Variants in RBFOX1 observed in about 807,000 individuals in gnomAD.
RBFOX1 encodes RNA binding protein fox-1 homolog 1.
RBFOX1 carries 8 observed loss-of-function variants against 57.7 expected under a neutral mutation model. The ratio of observed to expected loss-of-function variants is 0.14; its 90% CI spans 0.08 to 0.25. The LOEUF (loss-of-function observed/expected upper bound fraction) is 0.25, where lower values mean the gene tolerates loss of function less well. Among genes scored for constraint, RBFOX1 ranks in the 10% least tolerant of loss-of-function variants. The probability of loss-of-function intolerance (pLI) is 1.00; values close to 1 mark genes in which losing one functional copy is unlikely to be tolerated. For missense variants in RBFOX1, 611 were observed against 548.5 expected (o/e 1.11, Z -1.14); for synonymous variants, 326 against 222.4 (o/e 1.47, Z -4.15).
At chr16:6,138,322 C>T (rs2096684157) in intron 1 of RBFOX1, among the ~76,000 whole-genome samples, 1 of 152,160 alleles carries the variant, frequency 6.6e-6, no homozygotes, top group Non-Finnish European at 1.5e-5. Context: ...TCATATGTAA[C>T]ATAGGTAGCC....
intron 1 of RBFOX1, among the ~76,000 whole-genome samples, chr16:5,338,763 A>G (rs1296264645): frequency 6.6e-6 from 1 of 152,116 alleles, no homozygotes; most frequent in Non-Finnish European, 1.5e-5. Flanking sequence ...GCCTCAGGCA[A>G]TCCCCACTTT....
chr16:6,333,025 C>T (rs1045480096), intron 2 of RBFOX1, among the ~76,000 whole-genome samples: 1 of 152,006 alleles, frequency 6.6e-6, no homozygotes, highest in Non-Finnish European at 1.5e-5. Context: ...TTTTGATGTC[C>T]TTGACATGTG....
At chr16:5,561,176 C>T (rs2045877861) in intron 2 of RBFOX1, among the ~76,000 whole-genome samples, 1 of 152,102 alleles carries the variant, frequency 6.6e-6, no homozygotes, top group Admixed American at 6.6e-5. Context: ...CTGCCTGATC[C>T]TTCATCCATG....
chr16:7,239,244 A>G (rs906398358), intron 4 of RBFOX1, among the ~76,000 whole-genome samples: 6 of 152,168 alleles, frequency 3.9e-5, no homozygotes, highest in Non-Finnish European at 8.8e-5. Flanking sequence ...TCAGCCAGTA[A>G]TCCCAGCAAT....
intron 2 of RBFOX1, among the ~76,000 whole-genome samples, chr16:6,545,458 C>G (rs574718950): frequency 6.6e-6 from 1 of 152,186 alleles, no homozygotes. Context: ...CATGTCATTT[C>G]TGTTGCAGCC....
intron 3 of RBFOX1, among the ~76,000 whole-genome samples, chr16:6,699,707 T>C (rs1388607713): frequency 1.3e-5 from 2 of 152,086 alleles, no homozygotes; most frequent in Non-Finnish European, 2.9e-5. Flanking sequence ...CAGAAGGACA[T>C]AAAATGAATG....
intron 4 of RBFOX1, among the ~76,000 whole-genome samples, chr16:7,107,640 C>T (rs1011562814): frequency 2.0e-5 from 3 of 152,122 alleles, no homozygotes; most frequent in African/African-American, 7.2e-5. Flanking sequence ...TCCTCCCCTT[C>T]CACCCTCCCC....
chr16:5,534,575 T>C (rs1438998227), intron 2 of RBFOX1, among the ~76,000 whole-genome samples: 2 of 152,166 alleles, frequency 1.3e-5, no homozygotes, highest in East Asian at 3.9e-4. Context: ...AGGAGAAAGA[T>C]GAAAGCCACA....
intron 2 of RBFOX1, among the ~76,000 whole-genome samples, chr16:6,511,623 G>A (rs1185827388): frequency 3.9e-5 from 6 of 152,128 alleles, no homozygotes; most frequent in East Asian, 1.9e-4. Context: ...TAGAATGAGC[G>A]CCAAAGAGGG....
At chr16:5,543,680 A>G (rs750065587) in intron 2 of RBFOX1, among the ~76,000 whole-genome samples, 1 of 152,154 alleles carries the variant, frequency 6.6e-6, no homozygotes, top group Non-Finnish European at 1.5e-5. Context: ...CCAGAGACCT[A>G]AGAAACTCAA....
chr16:5,691,529 C>A lies in RBFOX1; in HGVS notation c.318+92568C>A, dbSNP rs528003580. Among the ~76,000 whole-genome samples the A allele has an allele frequency of 2.6e-5, 4 of 152,296 alleles. No homozygotes were observed. The South Asian group carries it at 8.3e-4, about 32-fold the overall frequency. On this transcript the variant is annotated intron_variant, in intron 3 of 19. Coordinates refer to the RBFOX1 transcript ENST00000641259. Reference sequence around the variant, plus strand: ...GTGTGTACAGGTTGAGTATCCCTTACCCAAAATGCCTAGGACTAGAAGTTT... The same window carrying A: ...GTGTGTACAGGTTGAGTATCCCTTAACCAAAATGCCTAGGACTAGAAGTTT...
chr16:5,929,478 G>C (rs926448095), intron 4 of RBFOX1, among the ~76,000 whole-genome samples: 2 of 152,074 alleles, frequency 1.3e-5, no homozygotes, highest in African/African-American at 4.8e-5. Context: ...TCTCCTATAA[G>C]ACAGCATGAC....
At chr16:5,317,373 C>T (rs1351808625) in intron 1 of RBFOX1, among the ~76,000 whole-genome samples, 4 of 152,210 alleles carry the variant, frequency 2.6e-5, no homozygotes, top group African/African-American at 7.2e-5. Context: ...GTTTAGGAGG[C>T]TGAGGTGGGC....
At chr16:6,690,991 A>G (rs59721529) in intron 3 of RBFOX1, among the ~76,000 whole-genome samples, 17,309 of 152,040 alleles carry the variant, frequency 0.11, 1,925 homozygotes, top group East Asian at 0.42. Flanking sequence ...TCCTATTTGT[A>G]GAGTGGAAAC....
At chr16:6,324,609 A>G (rs1599645301) in intron 2 of RBFOX1, among the ~76,000 whole-genome samples, 1 of 152,188 alleles carries the variant, frequency 6.6e-6, no homozygotes, top group East Asian at 1.9e-4. Context: ...GGACAGTGCC[A>G]ATGGGATGTT....
chr16:6,278,638 A>G (rs943766843), intron 1 of RBFOX1, among the ~76,000 whole-genome samples: 1 of 151,920 alleles, frequency 6.6e-6, no homozygotes, highest in Non-Finnish European at 1.5e-5. Flanking sequence ...TTCTATTTTT[A>G]GGTTGTTAAA....
At chr16:5,297,459 A>C (rs1434091767) in intron 1 of RBFOX1, among the ~76,000 whole-genome samples, 1 of 152,188 alleles carries the variant, frequency 6.6e-6, no homozygotes, top group Non-Finnish European at 1.5e-5. Flanking sequence ...GTAATATATC[A>C]TTGTGGCTTT....
chr16:5,563,962 G>A (rs1377303514), intron 2 of RBFOX1, among the ~76,000 whole-genome samples: 4 of 152,078 alleles, frequency 2.6e-5, no homozygotes, highest in South Asian at 2.1e-4. Context: ...TAGGAACCAC[G>A]TCATTTTTAT....
rs192082954 is a variant in RBFOX1 at position 6,303,872 on chromosome 16, C to T, written c.-126-13123C>T. On this transcript the variant is annotated intron_variant, in intron 1 of 15. Transcript: ENST00000550418. ...TGTCACCAATGCTGGAGTGCAATGG[C>T]GCTATCTCAGCTCACTGCAACCTCC... Among the ~76,000 whole-genome samples the T allele has an allele frequency of 9.5e-3, 1,208 of 127,378 alleles. 5 individuals are homozygous for T. Among genetic ancestry groups the T allele is most frequent in the Non-Finnish European group, 0.014 (901 of 63,806 alleles). 83.6% of individuals were successfully genotyped at this position (127,378 alleles called of 152,430 possible). A position where few individuals can be genotyped will look rare whatever the true frequency, so the allele number is the denominator to read the frequency against.
Sources: allele counts gnomAD v4.1 joint callset (sites outside exome capture counted in the v4.1 genomes callset), GRCh38; gene constraint gnomAD v4.1.1; transcripts MANE v1.5; gene names NCBI Gene and HGNC (gene_info 2026-07-23, HGNC 2026-07-21).